The following FAM47E variants were observed in gnomAD, a reference collection of about 807,000 sequenced individuals.
The protein encoded by FAM47E is protein FAM47E.
In FAM47E, 32 loss-of-function variants were observed where a neutral mutation model predicts 41.6. The ratio of observed to expected loss-of-function variants is 0.77; its 90% confidence interval spans 0.58 to 1.03. The LOEUF is 1.03. Among genes scored for constraint, FAM47E ranks in the 50% least tolerant of loss-of-function variants. FAM47E has a pLI of 0.00. For missense variants in FAM47E, 424 were observed against 485.4 expected, an observed-to-expected ratio of 0.87 and a Z score of 1.19; for synonymous variants, 184 against 188.7, an observed-to-expected ratio of 0.98 and a Z score of 0.20.
At chr4:76,278,249 TCATCTGAGCTTCAGATGATCACAGTG>T (rs1735210617) in intron 6 of FAM47E, 25 bp downstream of exon 6, 3 of 1,493,920 alleles carry the variant, frequency 2.0e-6, no homozygotes, top group Non-Finnish European at 1.8e-6. Context: ...TGAGATTTGA[TCATCTGAGCTTCAGATGATCACAGTG>T]CATCTGCCAC....
At chr4:76,225,139 T>C (rs1733372726) in intron 2 of FAM47E, among the ~76,000 whole-genome samples, 1 of 152,146 alleles carries the variant, frequency 6.6e-6, no homozygotes, top group Admixed American at 6.5e-5. Context: ...TATGGCTGAG[T>C]AGTATTCCAT....
At chr4:76,251,660 G>T, upstream of FAM47E, 1 of 1,359,998 alleles carries the variant, frequency 7.4e-7, no homozygotes, top group Non-Finnish European at 9.4e-7. Flanking sequence ...ACCGGCAGCG[G>T]TGGTTGTGCG....
chr4:76,253,153 TTCACTCA>T (rs1350503108), intron 1 of FAM47E, among the ~76,000 whole-genome samples: 1 of 152,226 alleles, frequency 6.6e-6, no homozygotes, highest in African/African-American at 2.4e-5. Context: ...CTGGCTCTTT[TTCACTCA>T]TCATAAAGCC....
intron 2 of FAM47E, among the ~76,000 whole-genome samples, chr4:76,239,141 A>G (rs1272320129): frequency 6.6e-6 from 1 of 152,198 alleles, no homozygotes; most frequent in Non-Finnish European, 1.5e-5. Flanking sequence ...GTCATCCACC[A>G]ATAGTCACTT....
Position 76,254,661 on chromosome 4 carries a change from G to A in FAM47E, c.75-1517G>A, listed in dbSNP as rs559584485. 2.2e-3 allele frequency among the ~76,000 whole-genome samples: 334 copies of A among 152,240 alleles called. 4 individuals carry two copies. Among genetic ancestry groups the A allele is most frequent in the African/African-American group, 7.7e-3 (318 of 41,514 alleles). Reference sequence around the variant, plus strand: ...TCTCTTAAAAACACTTTGTAGCAATGGGTGTAGCAAGGATTAGATTTGGTG... The same window carrying A: ...TCTCTTAAAAACACTTTGTAGCAATAGGTGTAGCAAGGATTAGATTTGGTG... On this transcript the variant is annotated intron_variant, in intron 1 of 7. Transcript: ENST00000424749.
intron 1 of FAM47E, among the ~76,000 whole-genome samples, 183 bp from the exon 2 acceptor site, chr4:76,255,995 C>G (rs1339487783): frequency 6.6e-6 from 1 of 152,132 alleles, no homozygotes; most frequent in African/African-American, 2.4e-5. Flanking sequence ...AGCAGCAATT[C>G]TGTGCTATGA....
Position 76,283,426 on chromosome 4 carries a change from A to T in FAM47E, c.1150A>T (p.Asn384Tyr), listed in dbSNP as rs1430305281. ...CGGGAAGGAATGTAAACGTGCATGT[A>T]ATAAGACTCCTATAAAACGAACTCA... is the stretch of plus-strand genomic sequence containing the variant. ...YIGKECKRAC[N>Y]KTPIKRTQA The change falls in exon 8 of 8, where the codon AAT becomes TAT. Residue 384 changes from asparagine (N) to tyrosine (Y), a missense_variant. Physicochemically the swap from Asn to Tyr is moderately radical, Grantham distance 143. Coordinates refer to ENST00000424749, the MANE Select transcript of FAM47E (RefSeq NM_001136570.3). 11 of 1,547,942 alleles carry T rather than the reference A, an allele frequency of 7.1e-6. No homozygotes were observed. The Admixed American group carries it at 2.2e-4, about 30-fold the overall frequency.
intron 4 of FAM47E, among the ~76,000 whole-genome samples, chr4:76,271,248 A>T (rs1306861267): frequency 1.3e-5 from 2 of 151,906 alleles, no homozygotes; most frequent in Non-Finnish European, 2.9e-5. Context: ...CAGAGAAAAC[A>T]CTGCCATATC....
intron 2 of FAM47E, among the ~76,000 whole-genome samples, chr4:76,260,491 T>C (rs1734362257): frequency 6.6e-6 from 1 of 152,124 alleles, no homozygotes; most frequent in Non-Finnish European, 1.5e-5. Flanking sequence ...TAAATGATGC[T>C]GGGAAAACTG....
intron 2 of FAM47E, among the ~76,000 whole-genome samples, chr4:76,257,213 T>C (rs1734230197): frequency 6.6e-6 from 1 of 152,164 alleles, no homozygotes; most frequent in South Asian, 2.1e-4. Context: ...AAATAATAGC[T>C]TTCCCAGTAA....
At chr4:76,220,318 T>C (rs1189901508) in intron 2 of FAM47E, among the ~76,000 whole-genome samples, 2 of 152,140 alleles carry the variant, frequency 1.3e-5, no homozygotes, top group Admixed American at 1.3e-4. Flanking sequence ...TGGAAAATAC[T>C]ATTCAGCTAT....
At chr4:76,239,176 T>C (rs1297779945) in intron 2 of FAM47E, among the ~76,000 whole-genome samples, 2 of 152,226 alleles carry the variant, frequency 1.3e-5, no homozygotes, top group Non-Finnish European at 2.9e-5. Flanking sequence ...TTTTAACTAC[T>C]GTGAATAATG....
At position 76,262,267 on chromosome 4, in the gene FAM47E, G is replaced by A. The variant is rs149790670; in HGVS notation, c.421-1437G>A. On this transcript the variant is annotated intron_variant, in intron 2 of 7. Coordinates refer to ENST00000424749, the MANE Select transcript of FAM47E (RefSeq NM_001136570.3). ...CAAGGAGAGCCCTAAAAGAAAAAAAGCAACTATTTACTATGATGCAAGACT... is the reference window on the plus strand; with the variant it reads ...CAAGGAGAGCCCTAAAAGAAAAAAAACAACTATTTACTATGATGCAAGACT... Among the ~76,000 whole-genome samples, 53 of 152,224 alleles carry A rather than the reference G, an allele frequency of 3.5e-4. No individual in the cohort carries two copies. The East Asian group carries it at 8.3e-3, about 24-fold the overall frequency.
chr4:76,238,497 A>G (rs2109989848), intron 2 of FAM47E, among the ~76,000 whole-genome samples: 1 of 152,332 alleles, frequency 6.6e-6, no homozygotes, highest in South Asian at 2.1e-4. Context: ...TAGCACAGGA[A>G]CTAGCAGTAG....
chr4:76,252,901 C>T (rs1734034067), intron 1 of FAM47E, among the ~76,000 whole-genome samples: 1 of 152,166 alleles, frequency 6.6e-6, no homozygotes, highest in Non-Finnish European at 1.5e-5. Flanking sequence ...AGAGACCTTA[C>T]TTGGATTTTA....
At chr4:76,255,735 T>A (rs960704076) in intron 1 of FAM47E, among the ~76,000 whole-genome samples, 1 of 152,084 alleles carries the variant, frequency 6.6e-6, no homozygotes, top group Admixed American at 6.5e-5. Context: ...GAATAATGAA[T>A]TAGATTTACA....
At chr4:76,282,647 G>A (rs964557030) in intron 7 of FAM47E, 1 of 152,056 alleles carries the variant, frequency 6.6e-6, no homozygotes, top group East Asian at 1.9e-4. Context: ...TAGTTTCAGG[G>A]GGTCTCCCTA....
intron 2 of FAM47E, among the ~76,000 whole-genome samples, chr4:76,259,689 A>G (rs550073543): frequency 6.6e-6 from 1 of 152,034 alleles, no homozygotes; most frequent in Non-Finnish European, 1.5e-5. Flanking sequence ...ATCAATAAAA[A>G]TTTTTTTTCA....
chr4:76,214,956 T>G (rs1289864345), intron 1 of FAM47E, among the ~76,000 whole-genome samples: 7 of 152,204 alleles, frequency 4.6e-5, no homozygotes, highest in Admixed American at 4.6e-4. Context: ...ATTTGATATA[T>G]ATACAGTCCA....
Sources: gnomAD v4.1 joint callset for allele counts (sites outside exome capture counted in the v4.1 genomes callset) on GRCh38, gnomAD v4.1.1 for gene constraint, MANE v1.5 for transcripts, NCBI Gene and HGNC (gene_info 2026-07-23, HGNC 2026-07-21) for gene names.